The following MACROD2 variants were observed in gnomAD, a reference collection of about 807,000 sequenced individuals.
MACROD2 encodes the protein ADP-ribose glycohydrolase MACROD2.
MACROD2 carries 36 observed loss-of-function variants against 70.4 expected under a neutral mutation model. The ratio of observed to expected loss-of-function variants is 0.51; its 90% CI spans 0.39 to 0.68. The LOEUF (loss-of-function observed/expected upper bound fraction) is 0.68, where lower values mean the gene tolerates loss of function less well. MACROD2 is among the 30% of genes least tolerant of loss of function. MACROD2 has a pLI of 0.00. For missense variants in MACROD2, 496 were observed against 538.4 expected (o/e 0.92, Z 0.78); for synonymous variants, 172 against 178.8 (o/e 0.96, Z 0.30).
At chr20:14,318,543 A>G (rs1451798108) in intron 3 of MACROD2, among the ~76,000 whole-genome samples, 1 of 152,220 alleles carries the variant, frequency 6.6e-6, no homozygotes, top group African/African-American at 2.4e-5. Flanking sequence ...ATGAGTAAAA[A>G]TACTTCTTCA....
At chr20:14,546,895 A>G (rs2085496902) in intron 4 of MACROD2, among the ~76,000 whole-genome samples, 1 of 151,900 alleles carries the variant, frequency 6.6e-6, no homozygotes, top group African/African-American at 2.4e-5. Context: ...GTTAGCTTAT[A>G]GTAGGTGCTC....
intron 5 of MACROD2, among the ~76,000 whole-genome samples, chr20:14,788,767 T>TG (rs1431244483): frequency 1.7e-5 from 2 of 118,234 alleles, no homozygotes; most frequent in African/African-American, 3.3e-5. Flanking sequence ...GGTGGTGTTT[T>TG]TTTTTTTTTT....
intron 3 of MACROD2, among the ~76,000 whole-genome samples, chr20:14,291,243 T>C (rs2122449060): frequency 6.6e-6 from 1 of 152,282 alleles, no homozygotes; most frequent in South Asian, 2.1e-4. Flanking sequence ...TCCTAGGGAA[T>C]TTTAGTAGAG....
At chr20:15,102,507 A>G (rs2075880664) in intron 5 of MACROD2, among the ~76,000 whole-genome samples, 1 of 152,020 alleles carries the variant, frequency 6.6e-6, no homozygotes, top group Non-Finnish European at 1.5e-5. Flanking sequence ...GACCTGACAT[A>G]TTAGTTAGTC....
chr20:15,539,974 C>T (rs1219560240), intron 8 of MACROD2, among the ~76,000 whole-genome samples: 2 of 152,096 alleles, frequency 1.3e-5, no homozygotes, highest in Non-Finnish European at 2.9e-5. Flanking sequence ...GGCGACAGAG[C>T]GAGACTCCAT....
At chr20:14,151,278 T>C (rs2055017012) in intron 3 of MACROD2, among the ~76,000 whole-genome samples, 1 of 151,112 alleles carries the variant, frequency 6.6e-6, no homozygotes, top group Admixed American at 6.6e-5. Context: ...TTTTCTGTAT[T>C]GTGTAAGTTC....
At position 15,603,098 on chromosome 20, in the gene MACROD2, T is replaced by A. The variant is rs573084249; in HGVS notation, c.645+103251T>A. ...CTTCTAATTGAAGCACAATAATAAA[T>A]ATGACTAGATCAAAGAAATGTTAAT... is the stretch of plus-strand genomic sequence containing the variant. On this transcript the variant is annotated intron_variant, in intron 8 of 17. Transcript: ENST00000684519. Among the ~76,000 whole-genome samples, 50 of 152,290 alleles carry A rather than the reference T, an allele frequency of 3.3e-4. No individual in the cohort carries two copies. In the South Asian group the frequency reaches 0.01, roughly 31 times the overall value.
chr20:14,251,465 C>T (rs1182003565), intron 3 of MACROD2, among the ~76,000 whole-genome samples: 1 of 152,014 alleles, frequency 6.6e-6, no homozygotes, highest in Non-Finnish European at 1.5e-5. Flanking sequence ...ACACACCACA[C>T]TTTCAGATTG....
chr20:14,485,027 GT>G (rs34614883), intron 3 of MACROD2, among the ~76,000 whole-genome samples: 22,683 of 150,344 alleles, frequency 0.15, 2,409 homozygotes, highest in Non-Finnish European at 0.22. Context: ...CTCTGTTTTT[GT>G]TTTTTTTTGT....
intron 8 of MACROD2, among the ~76,000 whole-genome samples, chr20:15,778,457 A>C (rs1463998583): frequency 6.6e-6 from 1 of 152,156 alleles, no homozygotes; most frequent in African/African-American, 2.4e-5. Flanking sequence ...TAATAATTGT[A>C]CATCTTTCTG....
Position 15,664,132 on chromosome 20 carries a change from G to A in MACROD2, c.645+164285G>A, listed in dbSNP as rs546739645. On this transcript the variant is annotated intron_variant, in intron 8 of 17. Transcript: ENST00000684519. ...GACTAAATTAAAGAAATCACCTTCA[G>A]CTTGAGTCTGCACCTAGATTAAGTA... Among the ~76,000 whole-genome samples the A allele has an allele frequency of 2.0e-5, 3 of 152,310 alleles. No homozygotes were observed. The East Asian group carries it at 5.8e-4, about 29-fold the overall frequency.
intron 4 of MACROD2, among the ~76,000 whole-genome samples, chr20:14,574,527 C>T (rs1308656648): frequency 6.6e-6 from 1 of 152,108 alleles, no homozygotes; most frequent in Non-Finnish European, 1.5e-5. Context: ...CTAGGTTTTT[C>T]TGATGCTCTT....
intron 8 of MACROD2, among the ~76,000 whole-genome samples, chr20:15,861,103 T>C (rs2064418607): frequency 6.6e-6 from 1 of 152,204 alleles, no homozygotes; most frequent in Admixed American, 6.5e-5. Context: ...GAATCCAGGA[T>C]GCTTAAGCCA....
chr20:14,800,217 A>G (rs2072558217), intron 5 of MACROD2, among the ~76,000 whole-genome samples: 1 of 152,032 alleles, frequency 6.6e-6, no homozygotes, highest in Admixed American at 6.6e-5. Context: ...AAAATTTCAT[A>G]AAACTTTAAA....
intron 6 of MACROD2, among the ~76,000 whole-genome samples, chr20:15,365,479 C>T (rs2045395902): frequency 6.6e-6 from 1 of 151,900 alleles, no homozygotes; most frequent in Non-Finnish European, 1.5e-5. Flanking sequence ...TCCTGGCTAA[C>T]AGGATGAAAC....
At chr20:15,045,759 A>G (rs1203569792) in intron 5 of MACROD2, among the ~76,000 whole-genome samples, 1 of 131,238 alleles carries the variant, frequency 7.6e-6, no homozygotes, top group East Asian at 2.2e-4. Flanking sequence ...TTCTGATAAC[A>G]CACCACACTT....
intron 5 of MACROD2, among the ~76,000 whole-genome samples, chr20:15,004,547 C>T (rs2075021325): frequency 6.6e-6 from 1 of 152,162 alleles, no homozygotes; most frequent in Non-Finnish European, 1.5e-5. Context: ...CAAACACATA[C>T]ATTCATTTAC....
At chr20:14,072,464 C>A (rs1197797687) in intron 2 of MACROD2, among the ~76,000 whole-genome samples, 1 of 126,276 alleles carries the variant, frequency 7.9e-6, no homozygotes, top group African/African-American at 3.0e-5. Context: ...TGATTAACAT[C>A]ATGGGCTGCC....
intron 5 of MACROD2, among the ~76,000 whole-genome samples, chr20:15,009,917 G>A (rs1034375608): frequency 1.3e-5 from 2 of 151,824 alleles, no homozygotes; most frequent in African/African-American, 2.4e-5. Flanking sequence ...GATATATAAA[G>A]TGTCTAGTTC....
Sources: allele counts gnomAD v4.1 joint callset (sites outside exome capture counted in the v4.1 genomes callset), GRCh38; gene constraint gnomAD v4.1.1; transcripts MANE v1.5; gene names NCBI Gene and HGNC (gene_info 2026-07-23, HGNC 2026-07-21).